CCDC83: variants seen among roughly 807,000 people sequenced by gnomAD.
CCDC83 encodes the protein coiled-coil domain containing 83.
A neutral mutation model predicts 50.1 loss-of-function variants in CCDC83; 54 were observed. The ratio of observed to expected loss-of-function variants is 1.08; its 90% CI spans 0.87 to 1.35. CCDC83 has a LOEUF of 1.35. Among genes scored for constraint, CCDC83 ranks in the 40% most tolerant of loss-of-function variants. The pLI is 0.00. For missense variants in CCDC83, 518 were observed against 473.9 expected (o/e 1.09, Z -0.86); for synonymous variants, 161 against 153.3 (o/e 1.05, Z -0.37).
rs971703496 is a variant in CCDC83, at chr11:85,912,809, CT to C, written c.794+1410del. 6.5e-5 allele frequency: 62 copies of C among 960,724 alleles called. 1 individual carries two copies. In the African/African-American group the frequency reaches 8.2e-4, roughly 13 times the overall value. 59.5% of individuals were successfully genotyped at this position (960,724 alleles called of 1,614,324 possible). ...TGCCCTCTTTTCTGAACTGGCTAAT[CT>C]TTAGGAAAGAGATACCCTCTAAACT... On this transcript the variant is annotated intron_variant, in intron 8 of 10. Transcript: ENST00000342404.
intron 5 of CCDC83, among the ~76,000 whole-genome samples, chr11:85,894,209 A>G (rs1360823365): frequency 2.0e-5 from 3 of 152,162 alleles, no homozygotes; most frequent in Non-Finnish European, 4.4e-5. Flanking sequence ...AATGGAAATA[A>G]GGTTCTATAG....
At chr11:85,879,841 A>C (rs2093289753) in intron 3 of CCDC83, among the ~76,000 whole-genome samples, 1 of 152,052 alleles carries the variant, frequency 6.6e-6, no homozygotes, top group Non-Finnish European at 1.5e-5. Context: ...CTGGTCTTGA[A>C]CTGACCTCAG....
At chr11:85,902,682 G>C (rs2093407493) in intron 7 of CCDC83, among the ~76,000 whole-genome samples, 1 of 152,036 alleles carries the variant, frequency 6.6e-6, no homozygotes. Flanking sequence ...AGTCACCCAA[G>C]CCAGAAACTT....
chr11:85,858,903 GT>G (rs1189054734), intron 1 of CCDC83, among the ~76,000 whole-genome samples: 1 of 152,082 alleles, frequency 6.6e-6, no homozygotes, highest in Non-Finnish European at 1.5e-5. Context: ...TAACAATGAG[GT>G]TGGTACTTTT....
In CCDC83 at chr11:85,867,153, T is replaced by A. The variant is rs1247944014; in HGVS notation, c.95+1935T>A. Among the ~76,000 whole-genome samples, 6 of 152,188 alleles carry A rather than the reference T, an allele frequency of 3.9e-5. No homozygotes were observed. In the East Asian group the frequency reaches 1.2e-3, roughly 29 times the overall value. On this transcript the variant is annotated intron_variant, in intron 2 of 10. Transcript: ENST00000342404. ...TCATTGCAGTATCAAACTCCTGGGC[T>A]CAAGTGTTCCTCCTGCCTCAGATTT...
chr11:85,894,520 C>CA (rs1435025641), intron 5 of CCDC83, among the ~76,000 whole-genome samples: 1 of 152,034 alleles, frequency 6.6e-6, no homozygotes, highest in Non-Finnish European at 1.5e-5. Context: ...GTTACCTCCT[C>CA]AAAAAAAGCT....
chr11:85,909,522 G>A (rs2093442341), intron 7 of CCDC83, among the ~76,000 whole-genome samples: 1 of 151,090 alleles, frequency 6.6e-6, no homozygotes, highest in South Asian at 2.1e-4. Context: ...TGGTGGAGAG[G>A]TGGGTTTGGA....
rs535794277 is a variant in CCDC83, at chr11:85,872,471, C to T, written c.96-740C>T. Among the ~76,000 whole-genome samples, 14 of 152,010 alleles carry T rather than the reference C, an allele frequency of 9.2e-5. No individual in the cohort carries two copies. In the East Asian group the frequency reaches 1.7e-3, roughly 19 times the overall value. ...CTGCACTCCAGCCTGGGCGACAGAG[C>T]GAGATTCCATCTCAAAACAACAACA... is the stretch of plus-strand genomic sequence containing the variant. On this transcript the variant is annotated intron_variant, in intron 2 of 10. Transcript: ENST00000342404.
At chr11:85,909,463 C>T (rs904991705) in intron 7 of CCDC83, among the ~76,000 whole-genome samples, 6 of 152,116 alleles carry the variant, frequency 3.9e-5, no homozygotes, top group African/African-American at 1.4e-4. Flanking sequence ...TGTTGTCTCC[C>T]CATGAGCACC....
intron 7 of CCDC83, among the ~76,000 whole-genome samples, chr11:85,906,088 C>T (rs1200205584): frequency 6.8e-6 from 1 of 147,128 alleles, no homozygotes; most frequent in Admixed American, 6.8e-5. Flanking sequence ...TTTTTTGAGA[C>T]GGAGCCTCAC....
chr11:85,908,300 C>A (rs1051637434), intron 7 of CCDC83, among the ~76,000 whole-genome samples: 8 of 152,086 alleles, frequency 5.3e-5, no homozygotes, highest in Non-Finnish European at 8.8e-5. Flanking sequence ...ACATCTAGCT[C>A]TGAACCTTGC....
chr11:85,899,779 A>G (rs1406559066), intron 7 of CCDC83, among the ~76,000 whole-genome samples: 2 of 152,224 alleles, frequency 1.3e-5, no homozygotes, highest in South Asian at 4.1e-4. Flanking sequence ...CTGAATGTCA[A>G]TGAATATAGA....
chr11:85,915,535 C>T (rs2093473687), intron 9 of CCDC83, 37 bp downstream of exon 9: 1 of 1,449,502 alleles, frequency 6.9e-7, no homozygotes, highest in Non-Finnish European at 9.6e-7. Context: ...TGATTTTTTT[C>T]AAACTCTTGT....
chr11:85,908,586 GAT>G (rs2093436396), intron 7 of CCDC83, among the ~76,000 whole-genome samples: 2 of 149,580 alleles, frequency 1.3e-5, no homozygotes, highest in Admixed American at 1.4e-4. Flanking sequence ...TAGATAGATA[GAT>G]AGATAGATAG....
intron 3 of CCDC83, among the ~76,000 whole-genome samples, chr11:85,878,364 G>T (rs1227767135): frequency 1.3e-5 from 2 of 152,126 alleles, no homozygotes; most frequent in Non-Finnish European, 2.9e-5. Context: ...ATTAGACCCT[G>T]GCAACCATTA....
At chr11:85,904,671 T>C (rs1277273685) in intron 7 of CCDC83, among the ~76,000 whole-genome samples, 2 of 152,212 alleles carry the variant, frequency 1.3e-5, no homozygotes, top group East Asian at 1.9e-4. Flanking sequence ...TATTTTCACG[T>C]GGATGTCCCA....
At position 85,864,411 on chromosome 11, in the gene CCDC83, T is replaced by C. The variant is rs113384182; in HGVS notation, c.-28-685T>C. On this transcript the variant is annotated intron_variant, in intron 1 of 10. Transcript: ENST00000342404. ...ACCCAAACCAAACCTATGAAAGTACTCCTGCTTACTATAAACATCTGTGAA... is the reference window on the plus strand; with the variant it reads ...ACCCAAACCAAACCTATGAAAGTACCCCTGCTTACTATAAACATCTGTGAA... Among the ~76,000 whole-genome samples the C allele has an allele frequency of 6.1e-3, 924 of 152,374 alleles. 3 individuals carry two copies. Among genetic ancestry groups the C allele is most frequent in the Non-Finnish European group, 9.7e-3 (658 of 68,032 alleles).
chr11:85,869,051 T>C (rs2093223065), intron 2 of CCDC83, among the ~76,000 whole-genome samples: 1 of 152,186 alleles, frequency 6.6e-6, no homozygotes, highest in Non-Finnish European at 1.5e-5. Context: ...TGAAAACAAA[T>C]ACAATGTTAT....
intron 6 of CCDC83, among the ~76,000 whole-genome samples, chr11:85,897,623 T>C (rs1200863921): frequency 6.6e-6 from 1 of 152,170 alleles, no homozygotes; most frequent in African/African-American, 2.4e-5. Context: ...GAGATTCAAA[T>C]GTGTAACTAA....
Sources: allele counts gnomAD v4.1 joint callset (sites outside exome capture counted in the v4.1 genomes callset), GRCh38; gene constraint gnomAD v4.1.1; transcripts MANE v1.5; gene names NCBI Gene and HGNC (gene_info 2026-07-23, HGNC 2026-07-21).